Variants in NDUFAF2 observed in about 807,000 individuals in gnomAD.
The protein encoded by NDUFAF2 is NADH dehydrogenase [ubiquinone] 1 alpha subcomplex assembly factor 2.
Under a neutral mutation model 22.8 loss-of-function variants are expected in NDUFAF2, and 13 were observed. The observed-to-expected ratio is 0.57, with a 90% confidence interval of 0.37 to 0.91. The LOEUF (loss-of-function observed/expected upper bound fraction) is 0.91, where lower values mean the gene tolerates loss of function less well. Ranked by LOEUF, NDUFAF2 falls within the 40% of genes least tolerant of loss-of-function variation. The pLI is 0.01. For missense variants in NDUFAF2, 162 were observed against 195.2 expected, an observed-to-expected ratio of 0.83 and a Z score of 1.01; for synonymous variants, 53 against 64.2, an observed-to-expected ratio of 0.83 and a Z score of 0.84.
chr5:61,023,817 G>A lies in NDUFAF2; in HGVS notation c.128-49308G>A, dbSNP rs535908422. 4.6e-5 allele frequency among the ~76,000 whole-genome samples: 7 copies of A among 152,128 alleles called. No homozygotes were observed. The South Asian group carries it at 1.2e-3, about 27-fold the overall frequency. ...TTGAGTAGCACACCTCTTTGATTCT[G>A]TGAGCTTTAGGTGGATGCTCAGTTC... On this transcript the variant is annotated intron_variant, in intron 1 of 3. Coordinates refer to ENST00000296597, the MANE Select transcript of NDUFAF2 (RefSeq NM_174889.5).
intron 3 of NDUFAF2, among the ~76,000 whole-genome samples, chr5:61,134,838 G>A (rs1043273109): frequency 2.6e-5 from 4 of 152,072 alleles, no homozygotes; most frequent in Non-Finnish European, 4.4e-5. Context: ...ATCAGTGAGT[G>A]TATTCATTAT....
Position 61,152,755 on chromosome 5 carries a change from G to T in NDUFAF2, c.310G>T (p.Asp104Tyr), listed in dbSNP as rs530506737. 1.9e-6 allele frequency: 3 copies of T among 1,587,712 alleles called. No homozygotes were observed. The highest frequency in any genetic ancestry group is 2.6e-6 in the Non-Finnish European group (3 of 1,167,924). The part of the protein sequence containing the change: ...HREEIKIKSQ[D>Y]FYEKEKLLSK... ...AGAAGAAATCAAAATAAAAAGCCAA[G>T]ATTTTTATGAAAAAGAAAAACTCCT... Residue 104 changes from aspartate to tyrosine, a missense_variant, in exon 4 of 4, where the codon GAT becomes TAT. Around this residue, in one of 2 missense-constraint regions of NDUFAF2, gnomAD observed 68 missense variants for 110.0 expected, o/e 0.62. Coordinates refer to ENST00000296597, the MANE Select transcript of NDUFAF2 (RefSeq NM_174889.5).
At chr5:61,016,058 C>T (rs200576899) in intron 1 of NDUFAF2, among the ~76,000 whole-genome samples, 6 of 151,984 alleles carry the variant, frequency 3.9e-5, no homozygotes, top group East Asian at 3.9e-4. Context: ...TGGTGGTGCA[C>T]GCCTTCAATC....
intron 3 of NDUFAF2, among the ~76,000 whole-genome samples, chr5:61,112,847 A>T (rs912582940): frequency 6.9e-6 from 1 of 144,572 alleles, no homozygotes; most frequent in Non-Finnish European, 1.5e-5. Flanking sequence ...TCTCCCTTTT[A>T]GTGAAGGGGA....
intron 3 of NDUFAF2, among the ~76,000 whole-genome samples, chr5:61,120,795 G>A (rs1752965959): frequency 1.3e-5 from 2 of 152,052 alleles, no homozygotes; most frequent in Admixed American, 6.6e-5. Context: ...TTTAGATCCA[G>A]AGTGAAAAGG....
chr5:61,052,968 A>G (rs1386678630), intron 1 of NDUFAF2, among the ~76,000 whole-genome samples: 2 of 152,234 alleles, frequency 1.3e-5, no homozygotes, highest in South Asian at 4.1e-4. Flanking sequence ...CTCCATTTGA[A>G]ATTAAGTGTG....
chr5:60,978,809 C>A (rs920492369), intron 1 of NDUFAF2, among the ~76,000 whole-genome samples: 2 of 152,134 alleles, frequency 1.3e-5, no homozygotes, highest in East Asian at 3.9e-4. Context: ...TGCCTATGAC[C>A]TAGTGAGACA....
intron 1 of NDUFAF2, among the ~76,000 whole-genome samples, chr5:61,064,590 T>C (rs943113644): frequency 8.6e-5 from 13 of 151,836 alleles, no homozygotes; most frequent in Non-Finnish European, 1.6e-4. Flanking sequence ...CCTTGGAAAA[T>C]TAACAAATAT....
At chr5:61,018,197 T>C (rs1393291326) in intron 1 of NDUFAF2, among the ~76,000 whole-genome samples, 4 of 152,232 alleles carry the variant, frequency 2.6e-5, no homozygotes, top group African/African-American at 9.6e-5. Context: ...TAATATATAA[T>C]GGCTGGCTAC....
At chr5:61,113,679 G>A (rs1303569329) in intron 3 of NDUFAF2, among the ~76,000 whole-genome samples, 8 of 152,048 alleles carry the variant, frequency 5.3e-5, no homozygotes, top group African/African-American at 7.2e-5. Flanking sequence ...TTCCCCTTCC[G>A]GCATGATTGT....
chr5:61,000,291 G>A (rs575665345), intron 1 of NDUFAF2, among the ~76,000 whole-genome samples: 7 of 152,142 alleles, frequency 4.6e-5, no homozygotes, highest in South Asian at 4.1e-4. Context: ...TTCATTAATA[G>A]CAATTCAGCT....
rs1579835225 is a variant in NDUFAF2 at position 61,110,050 on chromosome 5, T to C, written c.258+11018T>C. Among the ~76,000 whole-genome samples the C allele has an allele frequency of 2.6e-5, 4 of 152,310 alleles. 1 individual carries two copies. The South Asian group carries it at 8.3e-4, about 32-fold the overall frequency. On this transcript the variant is annotated intron_variant, in intron 3 of 3. Transcript: ENST00000296597. Reference sequence around the variant, plus strand: ...AGGATGTTGAATTTTATCAAATGCTTTTCCAGCATCAATTGAATGATCATA... The same window carrying C: ...AGGATGTTGAATTTTATCAAATGCTCTTCCAGCATCAATTGAATGATCATA...
chr5:60,955,241 A>G (rs1217552097), intron 1 of NDUFAF2, among the ~76,000 whole-genome samples: 1 of 152,136 alleles, frequency 6.6e-6, no homozygotes. Flanking sequence ...GTTGATTTTT[A>G]TATACAGTGT....
chr5:61,134,457 G>T (rs560730193), intron 3 of NDUFAF2, among the ~76,000 whole-genome samples: 2 of 152,168 alleles, frequency 1.3e-5, no homozygotes, highest in Admixed American at 1.3e-4. Flanking sequence ...ATGCCAAGGC[G>T]GACGGGTCAC....
At chr5:60,961,952 C>T (rs1561528166) in intron 1 of NDUFAF2, among the ~76,000 whole-genome samples, 1 of 150,756 alleles carries the variant, frequency 6.6e-6, no homozygotes, top group Non-Finnish European at 1.5e-5. Flanking sequence ...CACAGCAAGA[C>T]TCTTTCTCTA....
At chr5:60,978,913 T>G (rs139009626) in intron 1 of NDUFAF2, among the ~76,000 whole-genome samples, 154 of 152,248 alleles carry the variant, frequency 1.0e-3, no homozygotes, top group African/African-American at 1.7e-3. Flanking sequence ...TTCTCCCTGC[T>G]TGAAGAAAGG....
At chr5:61,012,340 A>G (rs1470114625) in intron 1 of NDUFAF2, among the ~76,000 whole-genome samples, 2 of 152,016 alleles carry the variant, frequency 1.3e-5, no homozygotes, top group Non-Finnish European at 2.9e-5. Context: ...CAAATTCAAC[A>G]TTTTTTACAT....
At chr5:60,965,283 G>A (rs1411291848) in intron 1 of NDUFAF2, among the ~76,000 whole-genome samples, 2 of 152,106 alleles carry the variant, frequency 1.3e-5, no homozygotes, top group Non-Finnish European at 2.9e-5. Context: ...TATTTACAGT[G>A]TACAATGTGA....
intron 1 of NDUFAF2, among the ~76,000 whole-genome samples, chr5:61,016,873 A>G (rs1200692099): frequency 6.6e-6 from 1 of 152,130 alleles, no homozygotes; most frequent in African/African-American, 2.4e-5. Flanking sequence ...TGTACCCTTG[A>G]TGTATCTGGG....
Sources: gnomAD v4.1 joint callset for allele counts (sites outside exome capture counted in the v4.1 genomes callset) on GRCh38, gnomAD v4.1.1 for gene constraint, gnomAD v4.1.1 regional missense constraint, MANE v1.5 for transcripts, NCBI Gene and HGNC (gene_info 2026-07-23, HGNC 2026-07-21) for gene names.